The following CFAP61 variants were observed in gnomAD, a reference collection of about 807,000 sequenced individuals.
CFAP61 encodes cilia and flagella associated protein 61.
A neutral mutation model predicts 135.6 loss-of-function variants in CFAP61; 107 were observed. The ratio of observed to expected loss-of-function variants is 0.79; its 90% confidence interval spans 0.67 to 0.93. The LOEUF is 0.93. Ranked by LOEUF, CFAP61 falls within the 40% of genes least tolerant of loss-of-function variation. The pLI, the probability that CFAP61 is intolerant of heterozygous loss-of-function variation, is 0.00. For missense variants in CFAP61, 1,507 were observed against 1,556.2 expected (o/e 0.97, Z 0.53); for synonymous variants, 575 against 578.5 (o/e 0.99, Z 0.09).
chr20:20,192,991 G>C (rs1000188876), intron 15 of CFAP61, among the ~76,000 whole-genome samples: 1 of 152,070 alleles, frequency 6.6e-6, no homozygotes, highest in Non-Finnish European at 1.5e-5. Flanking sequence ...GACACAAGGG[G>C]TGGAGGCAGA....
intron 8 of CFAP61, among the ~76,000 whole-genome samples, chr20:20,114,766 C>G (rs902427925): frequency 7.2e-5 from 11 of 151,996 alleles, no homozygotes; most frequent in Non-Finnish European, 5.9e-5. Context: ...TGGCTAATAC[C>G]TTAAATAGAA....
intron 8 of CFAP61, among the ~76,000 whole-genome samples, chr20:20,102,339 G>C (rs7268807): frequency 0.054 from 8,182 of 152,216 alleles, 652 homozygotes; most frequent in African/African-American, 0.17. Context: ...CAGCTGACTT[G>C]GGTGAGAGTA....
At chr20:20,196,826 T>C (rs1172468542) in intron 16 of CFAP61, 50 bp downstream of exon 16, 1 of 1,481,074 alleles carries the variant, frequency 6.8e-7, no homozygotes, top group Non-Finnish European at 9.4e-7. Context: ...GTTCACAGTG[T>C]TGTTGGTGTT....
intron 8 of CFAP61, among the ~76,000 whole-genome samples, chr20:20,116,306 AG>A (rs1402134740): frequency 6.6e-6 from 1 of 151,916 alleles, no homozygotes; most frequent in Non-Finnish European, 1.5e-5. Flanking sequence ...GAATTATTTG[AG>A]CTCCTTATAT....
intron 26 of CFAP61, among the ~76,000 whole-genome samples, chr20:20,348,358 T>C (rs989246454): frequency 6.6e-6 from 1 of 152,112 alleles, no homozygotes; most frequent in African/African-American, 2.4e-5. Context: ...TAGTTCAACA[T>C]ATAAAAATGA....
intron 19 of CFAP61, among the ~76,000 whole-genome samples, chr20:20,250,795 G>C (rs1370110162): frequency 6.6e-6 from 1 of 152,136 alleles, no homozygotes; most frequent in Non-Finnish European, 1.5e-5. Context: ...TCACAAAACT[G>C]TTTAAATAAA....
At chr20:20,325,150 C>T (rs966244997) in intron 25 of CFAP61, among the ~76,000 whole-genome samples, 2 of 152,300 alleles carry the variant, frequency 1.3e-5, no homozygotes, top group Admixed American at 6.5e-5. Context: ...CCTCCACCCC[C>T]AGCCACTTAC....
chr20:20,077,356 C>T (rs929034073), intron 6 of CFAP61, among the ~76,000 whole-genome samples: 1 of 152,080 alleles, frequency 6.6e-6, no homozygotes, highest in East Asian at 1.9e-4. Flanking sequence ...TTGTGATATA[C>T]AAAATGGGTG....
At chr20:20,120,846 T>C (rs61521495) in intron 8 of CFAP61, among the ~76,000 whole-genome samples, 14,790 of 152,208 alleles carry the variant, frequency 0.097, 1,537 homozygotes, top group East Asian at 0.6. Context: ...AATTGTTATA[T>C]CCTGTTGATG....
In CFAP61 at chr20:20,134,092, C is replaced by T. The variant is rs557808197; in HGVS notation, c.860-8765C>T. On this transcript the variant is annotated intron_variant, in intron 8 of 26. Transcript: ENST00000245957. ...CAAGATAAACATGCAAGACAAACAA[C>T]TTTACAATAACATCATTGTCTTGAA... 1.6e-4 allele frequency among the ~76,000 whole-genome samples: 25 copies of T among 152,294 alleles called. No individual in the cohort carries two copies. The South Asian group carries it at 5.0e-3, about 30-fold the overall frequency.
intron 17 of CFAP61, among the ~76,000 whole-genome samples, chr20:20,213,942 AT>A (rs1470159048): frequency 1.4e-5 from 2 of 147,566 alleles, no homozygotes; most frequent in African/African-American, 5.1e-5. Flanking sequence ...GCCCCCTCAT[AT>A]GAAGGCAGAG....
At chr20:20,211,613 G>A (rs2047646244) in intron 17 of CFAP61, among the ~76,000 whole-genome samples, 1 of 152,124 alleles carries the variant, frequency 6.6e-6, no homozygotes, top group South Asian at 2.1e-4. Flanking sequence ...TACAGTGCAG[G>A]CAGGCATGAG....
At chr20:20,260,331 GA>G (rs1218418162) in intron 20 of CFAP61, among the ~76,000 whole-genome samples, 3 of 152,196 alleles carry the variant, frequency 2.0e-5, no homozygotes, top group Non-Finnish European at 4.4e-5. Context: ...TTTTCTGCTA[GA>G]AGCTTCCATT....
intron 17 of CFAP61, among the ~76,000 whole-genome samples, chr20:20,219,935 C>T (rs2048286501): frequency 6.6e-6 from 1 of 152,138 alleles, no homozygotes; most frequent in South Asian, 2.1e-4. Flanking sequence ...CATTCCCCAC[C>T]CCTGACAAAA....
intron 10 of CFAP61, among the ~76,000 whole-genome samples, chr20:20,162,574 G>A (rs1193022267): frequency 6.6e-6 from 1 of 152,038 alleles, no homozygotes; most frequent in Admixed American, 6.6e-5. Flanking sequence ...GTGCTCTAAC[G>A]ATATGAGGGC....
At chr20:20,200,634 T>TAA (rs753862786) in intron 17 of CFAP61, 173 of 769,394 alleles carry the variant, frequency 2.2e-4, no homozygotes, top group Non-Finnish European at 2.5e-4. Context: ...CTTAAGTAAG[T>TAA]AAAAAAAAAA....
intron 9 of CFAP61, among the ~76,000 whole-genome samples, chr20:20,147,963 A>C (rs929421742): frequency 2.0e-5 from 3 of 152,076 alleles, no homozygotes; most frequent in African/African-American, 7.2e-5. Flanking sequence ...TCATTCTTCT[A>C]CATGTGACTT....
intron 8 of CFAP61, among the ~76,000 whole-genome samples, chr20:20,104,552 A>G (rs1186075372): frequency 6.6e-6 from 1 of 152,170 alleles, no homozygotes; most frequent in African/African-American, 2.4e-5. Context: ...GATTCCAAAC[A>G]GGACTGGAGC....
intron 19 of CFAP61, 35 bp downstream of exon 19, chr20:20,246,250 T>C (rs1440435687): frequency 8.0e-7 from 1 of 1,243,196 alleles, no homozygotes; most frequent in Non-Finnish European, 1.2e-6. Flanking sequence ...TTCTGAGGCC[T>C]AAATGTCCTA....
Sources: allele counts gnomAD v4.1 joint callset (sites outside exome capture counted in the v4.1 genomes callset), GRCh38; gene constraint gnomAD v4.1.1; transcripts MANE v1.5; gene names NCBI Gene and HGNC (gene_info 2026-07-23, HGNC 2026-07-21).